The following SND1 variants were observed in gnomAD, a reference collection of about 807,000 sequenced individuals.
SND1 encodes staphylococcal nuclease domain-containing protein 1.
SND1 carries 38 observed loss-of-function variants against 121.7 expected under a neutral mutation model. The observed-to-expected ratio is 0.31, with a 90% confidence interval of 0.24 to 0.41. The LOEUF (loss-of-function observed/expected upper bound fraction) is 0.41. Among genes scored for constraint, SND1 ranks in the 10% least tolerant of loss-of-function variants. SND1 has a pLI of 1.00. For synonymous variants in SND1, 401 were observed against 447.4 expected, an observed-to-expected ratio of 0.90 and a Z score of 1.31; for missense variants, 868 against 1,184.6, an observed-to-expected ratio of 0.73 and a Z score of 3.92.
At chr7:127,896,817 G>C (rs547317393) in intron 13 of SND1, among the ~76,000 whole-genome samples, 2 of 152,060 alleles carry the variant, frequency 1.3e-5, no homozygotes, top group South Asian at 4.1e-4. Flanking sequence ...ACCAGCTCTT[G>C]GCTAATTTAA....
chr7:127,669,312 T>C lies in SND1; in HGVS notation c.78+16861T>C, dbSNP rs1795474480. ...GGCCAGCGGTCCCCTTTTTACAGTA[T>C]ATCAAATTTCCCTTGTTACCCACTT... On this transcript the variant is annotated intron_variant, in intron 1 of 23. Coordinates refer to ENST00000354725, the MANE Select transcript of SND1 (RefSeq NM_014390.4). Among the ~76,000 whole-genome samples the C allele has an allele frequency of 2.0e-5, 3 of 152,166 alleles. No individual in the cohort carries two copies. In the South Asian group the frequency reaches 6.2e-4, roughly 31 times the overall value.
chr7:127,759,098 A>G (rs530850098), intron 10 of SND1, among the ~76,000 whole-genome samples: 2 of 151,630 alleles, frequency 1.3e-5, no homozygotes, highest in African/African-American at 4.9e-5. Flanking sequence ...AGATAGATAG[A>G]TAGGCAGGCA....
At chr7:128,040,807 C>T (rs1449891040) in intron 16 of SND1, among the ~76,000 whole-genome samples, 1 of 152,234 alleles carries the variant, frequency 6.6e-6, no homozygotes, top group Non-Finnish European at 1.5e-5. Flanking sequence ...TTGGCGCTGC[C>T]TCCTCTCTAC....
chr7:127,696,376 A>G (rs1366153689), intron 3 of SND1, among the ~76,000 whole-genome samples: 5 of 152,204 alleles, frequency 3.3e-5, no homozygotes, highest in Admixed American at 6.5e-5. Flanking sequence ...GAGAAATTAT[A>G]GAAACCTAAG....
In SND1 at chr7:128,015,041, G is replaced by A. The variant is rs893075912; in HGVS notation, c.1779+23985G>A. Among the ~76,000 whole-genome samples the A allele has an allele frequency of 2.0e-5, 3 of 152,182 alleles. No homozygotes were observed. Among genetic ancestry groups the A allele is most frequent in the Admixed American group, 6.5e-5 (1 of 15,272 alleles). On this transcript the variant is annotated intron_variant, in intron 16 of 23. Coordinates refer to ENST00000354725, the MANE Select transcript of SND1 (RefSeq NM_014390.4). The surrounding 1 kb of genome is among the most constrained non-coding windows in gnomAD (Gnocchi z 4.5). Reference sequence around the variant, plus strand: ...TGGCTGGCTGTTCTTGCACTTGAGCGGCTTGTTTGCCTGGACAGGTCCAAG... The same window carrying A: ...TGGCTGGCTGTTCTTGCACTTGAGCAGCTTGTTTGCCTGGACAGGTCCAAG...
At chr7:127,862,804 A>G (rs1481188310) in intron 12 of SND1, among the ~76,000 whole-genome samples, 3 of 152,194 alleles carry the variant, frequency 2.0e-5, no homozygotes, top group Non-Finnish European at 4.4e-5. Context: ...GGTGAACACG[A>G]TATCTTTATC....
At chr7:127,875,003 A>G (rs1799663391) in intron 12 of SND1, among the ~76,000 whole-genome samples, 2 of 152,180 alleles carry the variant, frequency 1.3e-5, no homozygotes, top group Admixed American at 1.3e-4. Context: ...AAGAATCAGA[A>G]GGCTCTTAGA....
intron 2 of SND1, among the ~76,000 whole-genome samples, chr7:127,691,592 A>G (rs1404439863): frequency 2.0e-5 from 3 of 151,986 alleles, no homozygotes; most frequent in South Asian, 4.2e-4. Context: ...GGTAAAAAAT[A>G]AAAAAATAAA....
At chr7:127,753,380 A>G (rs1685602816) in intron 10 of SND1, among the ~76,000 whole-genome samples, 1 of 152,112 alleles carries the variant, frequency 6.6e-6, no homozygotes, top group African/African-American at 2.4e-5. Context: ...GGAGCCTTGG[A>G]TGCTAGGAGG....
intron 12 of SND1, among the ~76,000 whole-genome samples, chr7:127,879,590 T>A (rs1238116065): frequency 6.6e-6 from 1 of 152,112 alleles, no homozygotes; most frequent in East Asian, 1.9e-4. Context: ...TGGTAAAACA[T>A]CCCCTGCATA....
intron 10 of SND1, among the ~76,000 whole-genome samples, chr7:127,780,588 C>T (rs765971): frequency 0.28 from 43,307 of 152,122 alleles, 7,729 homozygotes; most frequent in East Asian, 0.7. Flanking sequence ...AATCACCTGC[C>T]TCTTCAAAGA....
At chr7:127,655,362 G>A (rs544750078) in intron 1 of SND1, among the ~76,000 whole-genome samples, 1 of 152,214 alleles carries the variant, frequency 6.6e-6, no homozygotes, top group Admixed American at 6.5e-5. Context: ...TAAAAAACGA[G>A]GGTGATGTTG....
intron 14 of SND1, among the ~76,000 whole-genome samples, chr7:127,915,804 A>C (rs928861346): frequency 2.0e-5 from 3 of 152,230 alleles, no homozygotes; most frequent in African/African-American, 4.8e-5. Flanking sequence ...TGTTGTATAC[A>C]AAGGTCCTGA....
chr7:127,671,120 C>A (rs1267524456), intron 1 of SND1, among the ~76,000 whole-genome samples: 2 of 152,116 alleles, frequency 1.3e-5, no homozygotes, highest in African/African-American at 4.8e-5. Context: ...TAGGGAGAGA[C>A]AAAGTTTCAG....
chr7:127,905,656 G>A (rs2116767400), intron 14 of SND1, among the ~76,000 whole-genome samples: 1 of 152,246 alleles, frequency 6.6e-6, no homozygotes, highest in East Asian at 1.9e-4. Context: ...TGGTGTAAGT[G>A]CTGATTTTGA....
chr7:127,746,915 C>T (rs1796992877), intron 10 of SND1, among the ~76,000 whole-genome samples: 1 of 152,168 alleles, frequency 6.6e-6, no homozygotes, highest in Admixed American at 6.5e-5. Flanking sequence ...AAGTAGTCAG[C>T]ATATGCTAGT....
At chr7:127,963,071 G>A (rs908450766) in intron 15 of SND1, among the ~76,000 whole-genome samples, 18 of 152,176 alleles carry the variant, frequency 1.2e-4, no homozygotes, top group African/African-American at 3.4e-4. Flanking sequence ...TCTCTAAGTT[G>A]TTAAACAGCC....
intron 1 of SND1, among the ~76,000 whole-genome samples, chr7:127,678,558 A>G (rs1053945563): frequency 1.3e-5 from 2 of 151,816 alleles, no homozygotes; most frequent in Non-Finnish European, 2.9e-5. Flanking sequence ...CTTGCCAGGA[A>G]AAAAACCAAA....
chr7:127,944,890 T>C (rs1277749920), intron 15 of SND1, among the ~76,000 whole-genome samples: 1 of 152,206 alleles, frequency 6.6e-6, no homozygotes, highest in Non-Finnish European at 1.5e-5. Flanking sequence ...TTCCCATGCA[T>C]ATTCATATAT....
Sources: gnomAD v4.1 joint callset for allele counts (sites outside exome capture counted in the v4.1 genomes callset) on GRCh38, gnomAD v4.1.1 for gene constraint, Gnocchi (gnomAD v3.1) non-coding constraint, MANE v1.5 for transcripts, NCBI Gene and HGNC (gene_info 2026-07-23, HGNC 2026-07-21) for gene names.